Variants in ASIC1 observed in about 807,000 individuals in gnomAD.
ASIC1 encodes the protein acid-sensing ion channel 1.
In ASIC1, 21 loss-of-function variants were observed where a neutral mutation model predicts 63.4. That is an observed-to-expected ratio of 0.33 (90% CI 0.23 to 0.48). The LOEUF is 0.48. Ranked by LOEUF, ASIC1 falls within the 20% of genes least tolerant of loss-of-function variation. ASIC1 has a pLI of 0.99. For missense variants in ASIC1, 478 were observed against 695.5 expected (o/e 0.69, Z 3.52); for synonymous variants, 258 against 278.2 (o/e 0.93, Z 0.72).
At chr12:50,060,434 G>A (rs1950490735) in intron 3 of ASIC1, among the ~76,000 whole-genome samples, 1 of 152,214 alleles carries the variant, frequency 6.6e-6, no homozygotes, top group Non-Finnish European at 1.5e-5. Flanking sequence ...GGTGACTGGA[G>A]TATACACTAA....
intron 3 of ASIC1, chr12:50,076,810 T>C: frequency 2.7e-6 from 1 of 374,320 alleles, no homozygotes; most frequent in Non-Finnish European, 5.2e-6. Context: ...AAGAAGACAG[T>C]GCTCTGTAGG....
At chr12:50,071,898 T>C (rs1950603389) in intron 3 of ASIC1, among the ~76,000 whole-genome samples, 1 of 151,998 alleles carries the variant, frequency 6.6e-6, no homozygotes, top group Admixed American at 6.6e-5. Flanking sequence ...GGGAGACCAG[T>C]TGAGAGGCTG....
chr12:50,073,604 G>A (rs1470265160), intron 3 of ASIC1: 1 of 1,532,356 alleles, frequency 6.5e-7, no homozygotes, highest in Non-Finnish European at 8.7e-7. Context: ...CAGATCTTCT[G>A]CTCCATGTCA....
chr12:50,079,650 C>T (rs844359), intron 7 of ASIC1, among the ~76,000 whole-genome samples: 138,609 of 152,150 alleles, frequency 0.91, 63,823 homozygotes, highest in Non-Finnish European at 0.98. Context: ...TCTCCTCACT[C>T]TCCTAGTTCT....
Position 50,078,301 on chromosome 12 carries a change from G to A in ASIC1, c.838-120G>A. 3.3e-6 allele frequency: 5 copies of A among 1,512,234 alleles called. No individual in the cohort carries two copies. Among genetic ancestry groups the A allele is most frequent in the Non-Finnish European group, 4.5e-6 (5 of 1,115,458 alleles). 93.7% of individuals were successfully genotyped at this position (1,512,234 alleles called of 1,614,324 possible). ...ATGCTCTGTAAACTCTGAGACCTTT[G>A]GAGGCTGCAGAGGGAGAGGGGAGCA... On this transcript the variant is annotated intron_variant, in intron 5 of 11. Transcript: ENST00000447966. This position sits in a 1 kb window ranked among gnomAD's most constrained non-coding sequence, Gnocchi z 6.0.
At chr12:50,064,134 G>A (rs1950524909) in intron 3 of ASIC1, among the ~76,000 whole-genome samples, 1 of 152,132 alleles carries the variant, frequency 6.6e-6, no homozygotes, top group South Asian at 2.1e-4. Flanking sequence ...CCTGGAGACA[G>A]TAACTTTAGA....
intron 3 of ASIC1, among the ~76,000 whole-genome samples, chr12:50,067,486 T>C (rs538388838): frequency 6.6e-6 from 1 of 150,712 alleles, no homozygotes; most frequent in Middle Eastern, 3.2e-3. Flanking sequence ...CTCAGCTCAC[T>C]GCAACCTCCG....
chr12:50,075,062 G>A (rs1950640879), intron 3 of ASIC1, among the ~76,000 whole-genome samples: 1 of 151,906 alleles, frequency 6.6e-6, no homozygotes, highest in Non-Finnish European at 1.5e-5. Flanking sequence ...GGGCCACCTG[G>A]TACCCCACTG....
intron 3 of ASIC1, among the ~76,000 whole-genome samples, chr12:50,066,569 C>T (rs772442103): frequency 6.6e-6 from 1 of 152,146 alleles, no homozygotes; most frequent in Non-Finnish European, 1.5e-5. Context: ...AGGGTCACAC[C>T]AGGGCAGTCA....
At chr12:50,063,693 C>T (rs1265952200) in intron 3 of ASIC1, among the ~76,000 whole-genome samples, 2 of 152,018 alleles carry the variant, frequency 1.3e-5, no homozygotes, top group African/African-American at 2.4e-5. Flanking sequence ...TGAAGGGGCC[C>T]GGGCATCCCC....
chr12:50,078,220 A>G lies in ASIC1; in HGVS notation c.837+93A>G. The G allele has an allele frequency of 6.5e-7, 1 of 1,544,498 alleles. No homozygotes were observed. Among genetic ancestry groups the G allele is most frequent in the Non-Finnish European group, 8.7e-7 (1 of 1,147,468 alleles). Reference sequence around the variant, plus strand: ...TCAGTAATGGGAAGGACAGGTGAGCAAGGACCTGGGTGGTAATCTGGCTAG... The same window carrying G: ...TCAGTAATGGGAAGGACAGGTGAGCGAGGACCTGGGTGGTAATCTGGCTAG... On this transcript the variant is annotated intron_variant, in intron 5 of 11. Transcript: ENST00000447966. The surrounding 1 kb of genome is among the most constrained non-coding windows in gnomAD (Gnocchi z 6.0).
intron 3 of ASIC1, among the ~76,000 whole-genome samples, chr12:50,066,107 T>A (rs960918117): frequency 1.3e-5 from 2 of 152,188 alleles, no homozygotes; most frequent in Non-Finnish European, 2.9e-5. Context: ...AAACCTCTGG[T>A]TGCATGCAGA....
intron 3 of ASIC1, among the ~76,000 whole-genome samples, chr12:50,065,129 C>T (rs1322257988): frequency 2.0e-5 from 3 of 152,188 alleles, no homozygotes; most frequent in Non-Finnish European, 2.9e-5. Flanking sequence ...ACTAAATCAA[C>T]CGGCCAATTC....
chr12:50,081,267 A>T lies in ASIC1; in HGVS notation c.1385A>T (p.Lys462Met). The change falls in exon 11 of 12, where the codon AAG (lysine) becomes ATG (methionine). Residue 462 changes from lysine (K) to methionine (M), a missense_variant. Around this residue, in one of 3 missense-constraint regions of ASIC1, gnomAD observed 104 missense variants for 97.0 expected, o/e 1.07. Transcript: ENST00000447966. ...GCCCCGTCCCCGTCCTAGGTCATTA[A>T]GCACAAGCTGTGCCGACGAGGAAAA... ...ELFDYAYEVI[K>M]HKLCRRGKCQ... 1 of 1,608,526 alleles carries T rather than the reference A, an allele frequency of 6.2e-7. No individual in the cohort carries two copies. Among genetic ancestry groups the T allele is most frequent in the South Asian group, 1.1e-5 (1 of 89,912 alleles).
At chr12:50,065,524 C>T (rs1260139917) in intron 3 of ASIC1, among the ~76,000 whole-genome samples, 2 of 152,234 alleles carry the variant, frequency 1.3e-5, no homozygotes, top group African/African-American at 4.8e-5. Context: ...AATGGATGTG[C>T]AGCGCCAACC....
At position 50,074,357 on chromosome 12, in the gene ASIC1, C is replaced by T; in HGVS notation, c.559-2856C>T. 1.4e-6 allele frequency: 2 copies of T among 1,412,380 alleles called. No individual in the cohort carries two copies. Among genetic ancestry groups the T allele is most frequent in the Admixed American group, 5.8e-5 (2 of 34,196 alleles). 87.5% of individuals were successfully genotyped at this position (1,412,380 alleles called of 1,614,324 possible). The stretch of plus-strand genomic sequence containing the variant: ...GCTGGGGCTGGGGCTGATGACTGTG[C>T]TGCCCCCTACCTCATCTGGCTGACA... On this transcript the variant is annotated intron_variant, in intron 3 of 11. Transcript: ENST00000447966. The surrounding 1 kb of genome is among the most constrained non-coding windows in gnomAD (Gnocchi z 4.2).
In ASIC1 at chr12:50,079,986, T is replaced by G; in HGVS notation, c.1136T>G (p.Val379Gly). 6.2e-7 allele frequency: 1 copy of G among 1,614,032 alleles called. No individual in the cohort carries two copies. The highest frequency in any genetic ancestry group is 8.5e-7 in the Non-Finnish European group (1 of 1,179,998). The change falls in exon 8 of 12, where the codon GTC becomes GGC. Residue 379 changes from valine to glycine, a missense_variant. Physicochemically the swap from Val to Gly is moderately radical, Grantham distance 109. Transcript: ENST00000447966. ...CGCTATGGCAAAGAGCTGTCCATGG[T>G]CAAGATCCCCAGCAAAGCCTCAGCC... is the stretch of plus-strand genomic sequence containing the variant. ...LTRYGKELSM[V>G]KIPSKASAKY...
rs979539112 is a variant in ASIC1 at position 50,081,950 on chromosome 12, T to C, written c.*301T>C. The C allele has an allele frequency of 2.5e-6, 1 of 398,526 alleles. No individual in the cohort carries two copies. Among genetic ancestry groups the C allele is most frequent in the Non-Finnish European group, 4.6e-6 (1 of 218,578 alleles). 24.7% of individuals were successfully genotyped at this position (398,526 alleles called of 1,614,324 possible). A position where few individuals can be genotyped will look rare whatever the true frequency, so the allele number is the denominator to read the frequency against. On this transcript the variant is annotated 3_prime_UTR_variant, in exon 12 of 12. Transcript: ENST00000447966. ...CCTAGCTCCCAGCCTGAATTCTGTC[T>C]ATCTAGCTGTCTGCCATCTGAGTGT...
At chr12:50,062,169 A>T (rs1010271139) in intron 3 of ASIC1, among the ~76,000 whole-genome samples, 10 of 152,142 alleles carry the variant, frequency 6.6e-5, no homozygotes, top group Non-Finnish European at 1.2e-4. Flanking sequence ...GTCTGGCTGG[A>T]GTCCATGTCT....
Sources: allele counts gnomAD v4.1 joint callset (sites outside exome capture counted in the v4.1 genomes callset), GRCh38; gene constraint gnomAD v4.1.1; regional missense constraint gnomAD v4.1.1; non-coding constraint Gnocchi (gnomAD v3.1); transcripts MANE v1.5; gene names NCBI Gene and HGNC (gene_info 2026-07-23, HGNC 2026-07-21).